The following PRKCH variants were observed in gnomAD, a reference collection of about 807,000 sequenced individuals.
The protein encoded by PRKCH is protein kinase C eta type.
Under a neutral mutation model 82.5 loss-of-function variants are expected in PRKCH, and 28 were observed. That is an observed-to-expected ratio of 0.34 (90% CI 0.25 to 0.47). The LOEUF is 0.47. Among genes scored for constraint, PRKCH ranks in the 20% least tolerant of loss-of-function variants. The pLI is 1.00. For missense variants in PRKCH, 705 were observed against 881.8 expected (o/e 0.80, Z 2.54); for synonymous variants, 322 against 327.4 (o/e 0.98, Z 0.18).
intron 1 of PRKCH, among the ~76,000 whole-genome samples, chr14:61,202,598 G>GT (rs1018960358): frequency 6.6e-6 from 1 of 152,120 alleles, no homozygotes; most frequent in African/African-American, 2.4e-5. Context: ...GTAATTGTGG[G>GT]TTTTTTTGGT....
Position 61,529,042 on chromosome 14 carries a change from G to T in PRKCH, c.1434-33G>T. Reference sequence around the variant, plus strand: ...GAGGTGGATGGTTTGGGGTCTGGCTGCCCTATCTCGTGCTGCTCTTTGTAT... The same window carrying T: ...GAGGTGGATGGTTTGGGGTCTGGCTTCCCTATCTCGTGCTGCTCTTTGTAT... On this transcript the variant is annotated intron_variant, in intron 10 of 13. Coordinates refer to ENST00000332981, the MANE Select transcript of PRKCH (RefSeq NM_006255.5). 1.9e-6 allele frequency: 3 copies of T among 1,579,838 alleles called. No individual in the cohort carries two copies. The East Asian group carries it at 6.8e-5, about 36-fold the overall frequency.
rs1419960771 is a variant in PRKCH at position 61,207,097 on chromosome 14, A to T, written c.-19+19429A>T. On this transcript the variant is annotated intron_variant, in intron 1 of 3. Transcript: ENST00000555185. ...CTCCAGCCTGGGCAACCAGAGTGAA[A>T]CTCCATCTCAAAAAAAAAAAAAAAA... Among the ~76,000 whole-genome samples the T allele has an allele frequency of 2.7e-5, 3 of 111,672 alleles. No individual in the cohort carries two copies. In the Admixed American group the frequency reaches 3.8e-4, roughly 14 times the overall value. The allele number at this position is 111,672 out of a possible 152,430, so 73.3% of individuals were successfully genotyped here. A position where few individuals can be genotyped will look rare whatever the true frequency, so the allele number is the denominator to read the frequency against.
At chr14:61,291,632 C>G (rs1487778151) in intron 1 of PRKCH, among the ~76,000 whole-genome samples, 2 of 152,024 alleles carry the variant, frequency 1.3e-5, no homozygotes, top group African/African-American at 4.8e-5. Flanking sequence ...GCCCAGCTGC[C>G]CTCTGGTTCT....
At chr14:61,260,126 T>C (rs2045033750) in intron 1 of PRKCH, among the ~76,000 whole-genome samples, 1 of 152,230 alleles carries the variant, frequency 6.6e-6, no homozygotes. Flanking sequence ...ATTACATGTC[T>C]AAATAATATA....
chr14:61,210,111 AATATATATATATATATATATATATAT>A (rs60055073), intron 1 of PRKCH, among the ~76,000 whole-genome samples: 2,336 of 87,406 alleles, frequency 0.027, 96 homozygotes, highest in African/African-American at 0.059. Flanking sequence ...CAAACAAACA[AATATATATATATATATATATATATAT>A]ATATATATAT....
chr14:61,405,030 T>TC (rs1881863361), intron 2 of PRKCH, among the ~76,000 whole-genome samples: 1 of 152,228 alleles, frequency 6.6e-6, no homozygotes, highest in South Asian at 2.1e-4. Context: ...GCACGTCTTT[T>TC]CCCCTTTGGT....
intron 1 of PRKCH, among the ~76,000 whole-genome samples, chr14:61,329,374 T>A (rs767756628): frequency 4.6e-5 from 7 of 151,620 alleles, no homozygotes; most frequent in Non-Finnish European, 7.4e-5. Flanking sequence ...TAGCTGGGAT[T>A]ACAGGCACAC....
chr14:61,329,694 A>C (rs527632947), intron 1 of PRKCH, among the ~76,000 whole-genome samples: 1 of 152,162 alleles, frequency 6.6e-6, no homozygotes, highest in African/African-American at 2.4e-5. Context: ...CTTGTGCTTC[A>C]GGTCTCATTA....
intron 1 of PRKCH, among the ~76,000 whole-genome samples, chr14:61,363,682 A>G (rs1236745780): frequency 6.6e-6 from 1 of 152,128 alleles, no homozygotes; most frequent in Non-Finnish European, 1.5e-5. Flanking sequence ...TCTGGGAGCC[A>G]TCACCTAGAG....
Position 61,356,153 on chromosome 14 carries a change from G to C in PRKCH, c.363+33689G>C, listed in dbSNP as rs538777592. ...CAGGGTGAAAGAGGAAGTGGAGGGG[G>C]GTGGCAGGGAACAGGAGGGTGACCT... is the stretch of plus-strand genomic sequence containing the variant. On this transcript the variant is annotated intron_variant, in intron 1 of 13. Transcript: ENST00000332981. 3.3e-5 allele frequency among the ~76,000 whole-genome samples: 5 copies of C among 152,288 alleles called. No individual in the cohort carries two copies. In the East Asian group the frequency reaches 9.6e-4, roughly 29 times the overall value.
chr14:61,377,484 C>G (rs776014641), intron 1 of PRKCH, among the ~76,000 whole-genome samples: 1 of 152,098 alleles, frequency 6.6e-6, no homozygotes, highest in Non-Finnish European at 1.5e-5. Context: ...CATGTTCTTT[C>G]CCTGAGTTCC....
intron 1 of PRKCH, among the ~76,000 whole-genome samples, chr14:61,243,647 T>C (rs2044859014): frequency 6.6e-6 from 1 of 151,488 alleles, no homozygotes; most frequent in Non-Finnish European, 1.5e-5. Flanking sequence ...ATCAAGGTTT[T>C]AAACAGAATA....
intron 1 of PRKCH, among the ~76,000 whole-genome samples, chr14:61,234,271 C>T (rs187245585): frequency 3.9e-5 from 6 of 152,222 alleles, no homozygotes; most frequent in East Asian, 3.9e-4. Flanking sequence ...TCCCTGTTTC[C>T]AGTACTTGTT....
intron 1 of PRKCH, among the ~76,000 whole-genome samples, chr14:61,315,999 C>T (rs191781157): frequency 1.8e-4 from 28 of 152,228 alleles, no homozygotes; most frequent in East Asian, 1.4e-3. Flanking sequence ...CCACCTGCCT[C>T]GGCCTCCCAA....
intron 9 of PRKCH, among the ~76,000 whole-genome samples, chr14:61,478,413 T>C (rs1395914828): frequency 6.6e-6 from 1 of 152,142 alleles, no homozygotes; most frequent in Non-Finnish European, 1.5e-5. Flanking sequence ...CTCCTCTTTA[T>C]ATAATGTAGT....
At chr14:61,259,551 A>G (rs894340060) in intron 1 of PRKCH, among the ~76,000 whole-genome samples, 2 of 152,314 alleles carry the variant, frequency 1.3e-5, no homozygotes, top group South Asian at 2.1e-4. Context: ...GGAGATACCC[A>G]TTTAGTCTGC....
At chr14:61,248,767 T>G (rs1364337524) in intron 1 of PRKCH, among the ~76,000 whole-genome samples, 12 of 100,626 alleles carry the variant, frequency 1.2e-4, no homozygotes, top group African/African-American at 7.5e-4. Context: ...TATGTATGTA[T>G]GTATGTATGT....
At chr14:61,472,615 G>T (rs1019636418) in intron 9 of PRKCH, among the ~76,000 whole-genome samples, 1 of 152,126 alleles carries the variant, frequency 6.6e-6, no homozygotes, top group Non-Finnish European at 1.5e-5. Context: ...GCTTGAGCCC[G>T]GGAGGTTGAG....
intron 1 of PRKCH, among the ~76,000 whole-genome samples, chr14:61,381,856 A>G (rs2046515507): frequency 6.6e-6 from 1 of 152,226 alleles, no homozygotes; most frequent in African/African-American, 2.4e-5. Flanking sequence ...TGAGGCTGAG[A>G]GAAAGCAACA....
Sources: allele counts gnomAD v4.1 joint callset (sites outside exome capture counted in the v4.1 genomes callset), GRCh38; gene constraint gnomAD v4.1.1; transcripts MANE v1.5; gene names NCBI Gene and HGNC (gene_info 2026-07-23, HGNC 2026-07-21).